The following SUGCT variants were observed in gnomAD, a reference collection of about 807,000 sequenced individuals.
SUGCT encodes the protein succinyl-CoA:glutarate-CoA transferase.
A neutral mutation model predicts 55.0 loss-of-function variants in SUGCT; 41 were observed. The observed-to-expected ratio is 0.74, with a 90% CI of 0.58 to 0.97. The LOEUF (loss-of-function observed/expected upper bound fraction) is 0.97. Among genes scored for constraint, SUGCT ranks in the 50% least tolerant of loss-of-function variants. The pLI is 0.00. For missense variants in SUGCT, 568 were observed against 547.8 expected (o/e 1.04, Z -0.37); for synonymous variants, 187 against 200.4 (o/e 0.93, Z 0.56).
chr7:40,869,540 T>C, the SUGCT span, among the ~76,000 whole-genome samples: 2,566 of 152,302 alleles, frequency 0.017, 40 homozygotes, highest in South Asian at 0.055. Context: ...TGTGATACCC[T>C]GAGTAGAGAT....
At chr7:40,938,615 T>A in the SUGCT span, among the ~76,000 whole-genome samples, 2 of 152,176 alleles carry the variant, frequency 1.3e-5, no homozygotes, top group Non-Finnish European at 2.9e-5. Flanking sequence ...ATAGTGTACA[T>A]TGTACCCAAT....
intron 12 of SUGCT, among the ~76,000 whole-genome samples, chr7:40,686,115 G>C (rs188369096): frequency 1.3e-5 from 2 of 152,156 alleles, no homozygotes; most frequent in African/African-American, 4.8e-5. Flanking sequence ...GAGTAAATGT[G>C]GTACAGTTGG....
At chr7:40,256,673 T>G (rs899053703) in intron 7 of SUGCT, among the ~76,000 whole-genome samples, 1 of 152,174 alleles carries the variant, frequency 6.6e-6, no homozygotes, top group Admixed American at 6.5e-5. Flanking sequence ...CAGAAACAGT[T>G]ATTTGTTGGC....
chr7:40,294,857 A>G (rs1214347278), intron 8 of SUGCT, among the ~76,000 whole-genome samples: 1 of 152,088 alleles, frequency 6.6e-6, no homozygotes, highest in Non-Finnish European at 1.5e-5. Context: ...CTGTTGATGC[A>G]TTATTAATCT....
intron 8 of SUGCT, among the ~76,000 whole-genome samples, chr7:40,301,980 C>G (rs1420234249): frequency 6.6e-6 from 1 of 152,042 alleles, no homozygotes; most frequent in African/African-American, 2.4e-5. Flanking sequence ...TCTGTGTAGC[C>G]CTGGAAAGGG....
intron 7 of SUGCT, among the ~76,000 whole-genome samples, chr7:40,273,999 T>C (rs573436875): frequency 2.6e-5 from 4 of 151,674 alleles, no homozygotes; most frequent in Admixed American, 6.6e-5. Context: ...TTTTAAATTA[T>C]TAAGCAAACA....
At chr7:40,964,355 T>C in the SUGCT span, among the ~76,000 whole-genome samples, 9 of 152,172 alleles carry the variant, frequency 5.9e-5, no homozygotes, top group African/African-American at 1.9e-4. Context: ...TTTGCATGCA[T>C]CATAAAATCA....
At chr7:40,685,142 C>T (rs1562945196) in intron 12 of SUGCT, among the ~76,000 whole-genome samples, 1 of 152,068 alleles carries the variant, frequency 6.6e-6, no homozygotes, top group Non-Finnish European at 1.5e-5. Flanking sequence ...CAGGTGTGAG[C>T]CACCACACCT....
chr7:40,339,897 T>C (rs944224253), intron 9 of SUGCT, among the ~76,000 whole-genome samples: 2 of 152,200 alleles, frequency 1.3e-5, no homozygotes, highest in Non-Finnish European at 2.9e-5. Flanking sequence ...CCGCCCTTTT[T>C]TGCCCAGTGG....
chr7:40,811,630 C>G (rs934900783), intron 13 of SUGCT, among the ~76,000 whole-genome samples: 4 of 152,022 alleles, frequency 2.6e-5, no homozygotes, highest in African/African-American at 7.2e-5. Context: ...TGTCCTGAAA[C>G]TTTAGTGAAC....
rs767153763 is a variant in SUGCT at position 40,274,586 on chromosome 7, T to C, written c.650T>C (p.Met217Thr). Residue 217 changes from methionine to threonine, a missense_variant, in exon 8 of 14, where the codon ATG (methionine) becomes ACG (threonine). Transcript: ENST00000335693. ...ATGLYAYGAIMAGLIQKYKTG... is the reference protein window; with the variant it reads ...ATGLYAYGAITAGLIQKYKTG... ...GGCCTGTATGCATATGGAGCTATTA[T>C]GGCTGGATTGATACAAAAATACAAA... is the stretch of plus-strand genomic sequence containing the variant. 4.3e-6 allele frequency: 7 copies of C among 1,613,846 alleles called. No individual in the cohort carries two copies. Among genetic ancestry groups the C allele is most frequent in the Non-Finnish European group, 5.9e-6 (7 of 1,179,778 alleles).
intron 12 of SUGCT, among the ~76,000 whole-genome samples, chr7:40,516,060 G>A (rs1793212443): frequency 6.6e-6 from 1 of 151,800 alleles, no homozygotes; most frequent in African/African-American, 2.4e-5. Flanking sequence ...CCATACTGGT[G>A]TATATGAAGT....
At chr7:40,362,006 T>C (rs1229052806) in intron 9 of SUGCT, among the ~76,000 whole-genome samples, 1 of 151,884 alleles carries the variant, frequency 6.6e-6, no homozygotes, top group South Asian at 2.1e-4. Context: ...GGGATCACAA[T>C]ATTTAAATGT....
intron 12 of SUGCT, among the ~76,000 whole-genome samples, chr7:40,703,400 C>G (rs918587722): frequency 5.2e-4 from 79 of 152,128 alleles, no homozygotes; most frequent in Non-Finnish European, 2.2e-4. Context: ...TCTGAATTGA[C>G]CCACAGCATC....
intron 12 of SUGCT, among the ~76,000 whole-genome samples, chr7:40,530,106 C>G (rs1010162289): frequency 6.6e-6 from 1 of 152,134 alleles, no homozygotes; most frequent in Non-Finnish European, 1.5e-5. Context: ...TTCTGTGTCA[C>G]GCAATTCCCT....
intron 12 of SUGCT, among the ~76,000 whole-genome samples, chr7:40,734,930 A>C (rs977344563): frequency 6.6e-6 from 1 of 152,228 alleles, no homozygotes; most frequent in Non-Finnish European, 1.5e-5. Flanking sequence ...GACTAAATCC[A>C]GTCAGAAATA....
intron 6 of SUGCT, among the ~76,000 whole-genome samples, chr7:40,229,552 C>T (rs913557917): frequency 6.6e-6 from 1 of 151,570 alleles, no homozygotes; most frequent in African/African-American, 2.4e-5. Context: ...GTGGCTTACA[C>T]CTGTAATCTC....
chr7:40,935,743 T>C, the SUGCT span, among the ~76,000 whole-genome samples: 1 of 152,196 alleles, frequency 6.6e-6, no homozygotes, highest in Non-Finnish European at 1.5e-5. Flanking sequence ...TTGTTTTCAA[T>C]TACCTTGGGA....
At position 40,164,112 on chromosome 7, in the gene SUGCT, G is replaced by T. The variant is rs866463116; in HGVS notation, c.101-16835G>T. On this transcript the variant is annotated intron_variant, in intron 1 of 13. Transcript: ENST00000335693. ...TGGGATTATAGGCGTGAGCCACCAT[G>T]CCTGACCCTTGACTTTTTTTTTTTT... is the stretch of plus-strand genomic sequence containing the variant. Among the ~76,000 whole-genome samples, 3 of 148,672 alleles carry T rather than the reference G, an allele frequency of 2.0e-5. No homozygotes were observed. The South Asian group carries it at 6.5e-4, about 32-fold the overall frequency.
Sources: allele counts gnomAD v4.1 joint callset (sites outside exome capture counted in the v4.1 genomes callset), GRCh38; gene constraint gnomAD v4.1.1; transcripts MANE v1.5; gene names NCBI Gene and HGNC (gene_info 2026-07-23, HGNC 2026-07-21).